SOX5: variants seen among roughly 807,000 people sequenced by gnomAD.
SOX5 encodes transcription factor SOX-5.
SOX5 carries 9 observed loss-of-function variants against 92.0 expected under a neutral mutation model. The observed-to-expected ratio is 0.10, with a 90% CI of 0.06 to 0.17. The LOEUF (loss-of-function observed/expected upper bound fraction) is 0.17, where lower values mean the gene tolerates loss of function less well. Among genes scored for constraint, SOX5 ranks in the 10% least tolerant of loss-of-function variants. SOX5 has a pLI of 1.00. For missense variants in SOX5, 642 were observed against 944.5 expected, an observed-to-expected ratio of 0.68 and a Z score of 4.20; for synonymous variants, 344 against 336.3, an observed-to-expected ratio of 1.02 and a Z score of -0.25.
chr12:23,790,274 TTTA>T (rs2095447633), intron 3 of SOX5, among the ~76,000 whole-genome samples: 1 of 152,186 alleles, frequency 6.6e-6, no homozygotes, highest in African/African-American at 2.4e-5. Flanking sequence ...TTATGTGAAT[TTTA>T]TTATTTCATA....
chr12:24,106,739 C>A (rs1296202741), intron 4 of SOX5, among the ~76,000 whole-genome samples: 2 of 150,562 alleles, frequency 1.3e-5, no homozygotes, highest in Admixed American at 6.6e-5. Flanking sequence ...TTGCAGTGAG[C>A]CGAGATCGTG....
chr12:23,935,761 T>C (rs1017903465), intron 1 of SOX5, among the ~76,000 whole-genome samples: 1 of 151,250 alleles, frequency 6.6e-6, no homozygotes, highest in African/African-American at 2.4e-5. Flanking sequence ...TTTCAATATT[T>C]ATTCAGCATT....
At chr12:24,445,823 CA>C (rs1941386263) in intron 1 of SOX5, among the ~76,000 whole-genome samples, 1 of 152,258 alleles carries the variant, frequency 6.6e-6, no homozygotes, top group East Asian at 1.9e-4. Context: ...GGACATTGGA[CA>C]TATTTACAGG....
At chr12:24,396,998 C>T (rs1408263684) in intron 1 of SOX5, among the ~76,000 whole-genome samples, 3 of 152,210 alleles carry the variant, frequency 2.0e-5, no homozygotes, top group Non-Finnish European at 2.9e-5. Context: ...TTGAAACTTA[C>T]TATTTGTAAA....
intron 2 of SOX5, among the ~76,000 whole-genome samples, chr12:23,863,605 A>G (rs745332290): frequency 2.6e-5 from 4 of 152,060 alleles, no homozygotes; most frequent in African/African-American, 4.8e-5. Flanking sequence ...TTTTATCCCT[A>G]TATATGTCAT....
chr12:23,890,556 C>T (rs566974409), intron 2 of SOX5, among the ~76,000 whole-genome samples: 7 of 152,034 alleles, frequency 4.6e-5, no homozygotes, highest in East Asian at 1.9e-4. Flanking sequence ...GGCACCAAAA[C>T]GGTCACCAAA....
At chr12:24,078,714 G>C (rs539013055) in intron 4 of SOX5, among the ~76,000 whole-genome samples, 3 of 152,082 alleles carry the variant, frequency 2.0e-5, no homozygotes, top group East Asian at 3.9e-4. Flanking sequence ...TGATATTTGA[G>C]AGCAATTATC....
chr12:24,361,278 A>T (rs1460104356), intron 2 of SOX5, among the ~76,000 whole-genome samples: 3 of 152,150 alleles, frequency 2.0e-5, no homozygotes, highest in African/African-American at 7.2e-5. Flanking sequence ...CTCATACATG[A>T]AACACTGCAT....
At chr12:24,273,541 C>T (rs920475704) in intron 3 of SOX5, among the ~76,000 whole-genome samples, 3 of 152,130 alleles carry the variant, frequency 2.0e-5, no homozygotes, top group African/African-American at 7.2e-5. Flanking sequence ...CTTCCTTTTT[C>T]AATACTGATA....
intron 2 of SOX5, among the ~76,000 whole-genome samples, chr12:23,876,546 C>T (rs1310996322): frequency 1.3e-5 from 2 of 152,158 alleles, no homozygotes; most frequent in Non-Finnish European, 2.9e-5. Context: ...TAAATTAGTT[C>T]AACCATTGTG....
At chr12:23,796,802 G>A (rs181645421) in intron 3 of SOX5, among the ~76,000 whole-genome samples, 410 of 149,622 alleles carry the variant, frequency 2.7e-3, no homozygotes, top group Admixed American at 7.6e-3. Flanking sequence ...ATAGTGGTGC[G>A]TATATATGTG....
chr12:24,404,246 G>A (rs986646911), intron 1 of SOX5, among the ~76,000 whole-genome samples: 5 of 151,762 alleles, frequency 3.3e-5, no homozygotes, highest in Non-Finnish European at 4.4e-5. Flanking sequence ...ACGTGAAGCC[G>A]ACCACACACA....
intron 1 of SOX5, among the ~76,000 whole-genome samples, chr12:23,940,431 A>C (rs1943404872): frequency 6.6e-6 from 1 of 151,276 alleles, no homozygotes; most frequent in African/African-American, 2.4e-5. Context: ...ATCTCCAAAT[A>C]GCTACATAAA....
At chr12:24,476,661 T>C (rs1429313380) in intron 1 of SOX5, among the ~76,000 whole-genome samples, 1 of 152,014 alleles carries the variant, frequency 6.6e-6, no homozygotes, top group Admixed American at 6.6e-5. Context: ...CTCTTCCAAG[T>C]TACCACACTG....
chr12:24,274,931 C>T (rs185961408), intron 3 of SOX5, among the ~76,000 whole-genome samples: 6 of 152,274 alleles, frequency 3.9e-5, no homozygotes, highest in South Asian at 2.1e-4. Flanking sequence ...AACTGTAGCA[C>T]GGTACCTTGA....
At chr12:23,615,554 G>A (rs1239914853) in intron 8 of SOX5, among the ~76,000 whole-genome samples, 1 of 152,050 alleles carries the variant, frequency 6.6e-6, no homozygotes, top group Non-Finnish European at 1.5e-5. Context: ...TGTGTGTCCA[G>A]AAGTTCTTAT....
chr12:23,677,620 C>T (rs1221580839), intron 6 of SOX5, among the ~76,000 whole-genome samples: 1 of 152,146 alleles, frequency 6.6e-6, no homozygotes, highest in Admixed American at 6.6e-5. Flanking sequence ...TCAATAGCTG[C>T]ATCCTTAAAC....
chr12:23,750,097 G>A (rs2094136351), intron 4 of SOX5, among the ~76,000 whole-genome samples: 1 of 151,814 alleles, frequency 6.6e-6, no homozygotes. Context: ...AGATCACCCA[G>A]TCAAACTCTG....
chr12:23,777,385 G>A (rs568992818), intron 3 of SOX5, among the ~76,000 whole-genome samples: 1 of 152,270 alleles, frequency 6.6e-6, no homozygotes, highest in South Asian at 2.1e-4. Context: ...AAGACAGACA[G>A]TAATCAGAAT....
Sources: gnomAD v4.1 joint callset for allele counts (sites outside exome capture counted in the v4.1 genomes callset) on GRCh38, gnomAD v4.1.1 for gene constraint, MANE v1.5 for transcripts, NCBI Gene and HGNC (gene_info 2026-07-23, HGNC 2026-07-21) for gene names.